Variants in LRP1B observed in about 807,000 individuals in gnomAD.
LRP1B encodes low-density lipoprotein receptor-related protein 1B.
Under a neutral mutation model 556.6 loss-of-function variants are expected in LRP1B, and 217 were observed. The observed-to-expected ratio is 0.39, with a 90% confidence interval of 0.35 to 0.44. The LOEUF (loss-of-function observed/expected upper bound fraction) is 0.44. Ranked by LOEUF, LRP1B falls within the 20% of genes least tolerant of loss-of-function variation. LRP1B has a pLI of 1.00. For synonymous variants in LRP1B, 2,047 were observed against 1,865.8 expected (o/e 1.10, Z -2.50); for missense variants, 5,053 against 5,620.8 (o/e 0.90, Z 3.23).
At chr2:141,538,577 A>G (rs1349800966) in intron 2 of LRP1B, among the ~76,000 whole-genome samples, 1 of 152,120 alleles carries the variant, frequency 6.6e-6, no homozygotes, top group African/African-American at 2.4e-5. Flanking sequence ...TCTACTCACA[A>G]AGAGTGTATT....
intron 75 of LRP1B, 98 bp downstream of exon 75, chr2:140,356,244 G>T (rs954467305): frequency 8.1e-7 from 1 of 1,230,748 alleles, no homozygotes. Context: ...ACACCATTTT[G>T]ATGAAAGTCA....
chr2:141,668,856 G>A (rs1370326648), intron 2 of LRP1B, among the ~76,000 whole-genome samples: 1 of 152,074 alleles, frequency 6.6e-6, no homozygotes, highest in Non-Finnish European at 1.5e-5. Context: ...CTACCATTGG[G>A]CCAGAGTCCA....
intron 1 of LRP1B, among the ~76,000 whole-genome samples, chr2:142,017,485 G>A (rs1301725944): frequency 6.6e-6 from 1 of 152,112 alleles, no homozygotes; most frequent in Non-Finnish European, 1.5e-5. Flanking sequence ...AGCTATGTTT[G>A]TCTTTGCTTA....
chr2:140,999,876 T>C (rs1325002963), intron 15 of LRP1B, among the ~76,000 whole-genome samples: 1 of 151,968 alleles, frequency 6.6e-6, no homozygotes, highest in Non-Finnish European at 1.5e-5. Flanking sequence ...GAAAACCCAT[T>C]CGTGCATCTG....
At chr2:140,570,603 A>G (rs948539172) in intron 43 of LRP1B, among the ~76,000 whole-genome samples, 3 of 151,752 alleles carry the variant, frequency 2.0e-5, no homozygotes, top group Admixed American at 2.0e-4. Flanking sequence ...CATTTGAAGA[A>G]CTAATATAAT....
chr2:140,923,286 A>G, intron 20 of LRP1B, 139 bp from the exon 21 acceptor site: 1 of 599,712 alleles, frequency 1.7e-6, no homozygotes. Context: ...ATACATTTTT[A>G]CTTTAGATGG....
chr2:141,918,404 CTA>C (rs1700095485), intron 1 of LRP1B, among the ~76,000 whole-genome samples: 1 of 151,986 alleles, frequency 6.6e-6, no homozygotes, highest in Non-Finnish European at 1.5e-5. Flanking sequence ...AAAAGGAAAG[CTA>C]TTTCATCCTA....
At chr2:141,269,766 C>A (rs183260559) in intron 3 of LRP1B, among the ~76,000 whole-genome samples, 2 of 152,014 alleles carry the variant, frequency 1.3e-5, no homozygotes, top group African/African-American at 4.8e-5. Context: ...TAGCAATGTG[C>A]GACCCATATA....
intron 43 of LRP1B, among the ~76,000 whole-genome samples, chr2:140,589,372 A>G (rs1286924520): frequency 6.6e-6 from 1 of 152,062 alleles, no homozygotes; most frequent in Non-Finnish European, 1.5e-5. Flanking sequence ...GTCATTCTGG[A>G]AAGCAGTTTG....
In LRP1B at chr2:141,510,757, ACT is replaced by A. The variant is rs145435946; in HGVS notation, c.206-30226_206-30225del. 4.3e-3 allele frequency among the ~76,000 whole-genome samples: 656 copies of A among 152,098 alleles called. 8 individuals carry two copies. Among genetic ancestry groups the A allele is most frequent in the African/African-American group, 0.014 (587 of 41,530 alleles). Reference sequence around the variant, plus strand: ...TTTCCATCATGTTGCCTGCTCAGTTACTGATTTCTTCCATTATCCTGACTTAT... The same window carrying A: ...TTTCCATCATGTTGCCTGCTCAGTTAGATTTCTTCCATTATCCTGACTTAT... On this transcript the variant is annotated intron_variant, in intron 2 of 90. Transcript: ENST00000389484.
chr2:140,981,062 G>C (rs534358868), intron 18 of LRP1B, among the ~76,000 whole-genome samples: 220 of 151,984 alleles, frequency 1.4e-3, no homozygotes, highest in African/African-American at 5.2e-3. Flanking sequence ...AAATGCATAA[G>C]AATGATGTAA....
At chr2:141,454,060 C>T (rs1347444010) in intron 3 of LRP1B, among the ~76,000 whole-genome samples, 1 of 152,164 alleles carries the variant, frequency 6.6e-6, no homozygotes, top group Non-Finnish European at 1.5e-5. Flanking sequence ...CTTATGCCAA[C>T]CTTGCCCCCA....
chr2:141,897,714 A>G (rs1448744989), intron 1 of LRP1B, among the ~76,000 whole-genome samples: 2 of 152,202 alleles, frequency 1.3e-5, no homozygotes, highest in Non-Finnish European at 2.9e-5. Context: ...TAATATAAAG[A>G]AACTAACCAT....
In LRP1B at chr2:141,765,776, T is replaced by A. The variant is rs1339037800; in HGVS notation, c.205+44503A>T. Among the ~76,000 whole-genome samples the A allele has an allele frequency of 6.6e-5, 10 of 152,216 alleles. No individual in the cohort carries two copies. The East Asian group carries it at 1.7e-3, about 26-fold the overall frequency. ...CTTGTCTTCAGGTGGAATTTATAAC[T>A]GATGATTCCTTTTTCTCCTTATTTC... On this transcript the variant is annotated intron_variant, in intron 2 of 90. Coordinates refer to ENST00000389484, the MANE Select transcript of LRP1B (RefSeq NM_018557.3).
At chr2:140,509,083 A>ACAAACACACAC (rs1558931371) in intron 52 of LRP1B, among the ~76,000 whole-genome samples, 23 of 148,796 alleles carry the variant, frequency 1.5e-4, no homozygotes, top group Non-Finnish European at 3.1e-4. Flanking sequence ...CACACACACA[A>ACAAACACACAC]ACACACACAC....
intron 1 of LRP1B, among the ~76,000 whole-genome samples, chr2:142,024,620 G>GTTTTTTTTTTTT (rs3041443): frequency 6.1e-5 from 8 of 131,010 alleles, no homozygotes; most frequent in South Asian, 2.5e-4. Context: ...CAGCTGAAAT[G>GTTTTTTTTTTTT]TTTTTTTTTT....
At chr2:140,506,758 C>T in intron 53 of LRP1B, 38 bp downstream of exon 53, 2 of 1,591,392 alleles carry the variant, frequency 1.3e-6, no homozygotes, top group South Asian at 1.2e-5. Context: ...AGACTCTTAG[C>T]CTAGGAATCT....
chr2:140,767,973 A>C (rs1485389461), intron 35 of LRP1B, among the ~76,000 whole-genome samples: 1 of 151,968 alleles, frequency 6.6e-6, no homozygotes, highest in African/African-American at 2.4e-5. Flanking sequence ...GACAAGGTAG[A>C]TTATTCATTG....
intron 83 of LRP1B, among the ~76,000 whole-genome samples, chr2:140,310,290 A>G (rs1313441551): frequency 6.6e-6 from 1 of 151,654 alleles, no homozygotes; most frequent in East Asian, 1.9e-4. Flanking sequence ...TAACATCATT[A>G]ATTATTTACC....
Sources: allele counts gnomAD v4.1 joint callset (sites outside exome capture counted in the v4.1 genomes callset), GRCh38; gene constraint gnomAD v4.1.1; transcripts MANE v1.5; gene names NCBI Gene and HGNC (gene_info 2026-07-23, HGNC 2026-07-21).